Variants in LPIN1 observed in about 807,000 individuals in gnomAD.
LPIN1 encodes phosphatidate phosphatase LPIN1.
Under a neutral mutation model 107.5 loss-of-function variants are expected in LPIN1, and 71 were observed. The observed-to-expected ratio is 0.66, with a 90% CI of 0.55 to 0.80. The LOEUF is 0.80. Ranked by LOEUF, LPIN1 falls within the 30% of genes least tolerant of loss-of-function variation. LPIN1 has a pLI of 0.00. For synonymous variants in LPIN1, 445 were observed against 452.6 expected (o/e 0.98, Z 0.21); for missense variants, 1,043 against 1,160.6 (o/e 0.90, Z 1.47).
intron 1 of LPIN1, among the ~76,000 whole-genome samples, chr2:11,737,587 A>G (rs1401912051): frequency 6.6e-6 from 1 of 152,254 alleles, no homozygotes; most frequent in Non-Finnish European, 1.5e-5. Context: ...ATATGAACAG[A>G]CAGTTCTCAA....
chr2:11,741,212 CG>C (rs1666331420), intron 1 of LPIN1: 1 of 589,686 alleles, frequency 1.7e-6, no homozygotes, highest in Admixed American at 3.1e-5. Flanking sequence ...ACCAGGAGCC[CG>C]GGAGTCCTGC....
intron 1 of LPIN1, among the ~76,000 whole-genome samples, chr2:11,705,404 G>A (rs1365465339): frequency 1.3e-5 from 2 of 152,232 alleles, no homozygotes; most frequent in Admixed American, 6.5e-5. Flanking sequence ...GAAGGATGCT[G>A]TCATCAGCTG....
intron 1 of LPIN1, among the ~76,000 whole-genome samples, chr2:11,729,173 G>A (rs1558761977): frequency 6.6e-6 from 1 of 152,184 alleles, no homozygotes; most frequent in Non-Finnish European, 1.5e-5. Context: ...AGGAGGGAGA[G>A]CATTAGGACA....
At chr2:11,715,593 G>C (rs890384652) in intron 2 of LPIN1, among the ~76,000 whole-genome samples, 2 of 152,222 alleles carry the variant, frequency 1.3e-5, no homozygotes, top group African/African-American at 4.8e-5. Flanking sequence ...GAAAGTGCTT[G>C]CTGTCCACCA....
chr2:11,753,552 A>G (rs889183735), intron 1 of LPIN1, among the ~76,000 whole-genome samples: 1 of 152,230 alleles, frequency 6.6e-6, no homozygotes, highest in African/African-American at 2.4e-5. Flanking sequence ...GCAGCTGCCT[A>G]TAAGTGTGTG....
At chr2:11,801,352 C>T (rs961512563) in intron 14 of LPIN1, among the ~76,000 whole-genome samples, 17 of 152,152 alleles carry the variant, frequency 1.1e-4, no homozygotes, top group African/African-American at 3.6e-4. Context: ...ATGGAACCAA[C>T]CTAAGTGTCC....
chr2:11,792,331 A>G (rs1473253663), intron 13 of LPIN1: 5 of 262,774 alleles, frequency 1.9e-5, no homozygotes, highest in South Asian at 4.8e-5. Context: ...GAAATTAAAT[A>G]TCTTCCTTCT....
In LPIN1 at chr2:11,781,324, G is replaced by A. The variant is rs547583470; in HGVS notation, c.958-877G>A. 2.7e-4 allele frequency among the ~76,000 whole-genome samples: 41 copies of A among 152,324 alleles called. 1 individual carries two copies. The Middle Eastern group carries it at 0.01, about 38-fold the overall frequency. ...CCAACTCTCTTTGCAAGTTTATGTCGTTAGTTGCTGGAGAAACAGCATGGA... is the reference window on the plus strand; with the variant it reads ...CCAACTCTCTTTGCAAGTTTATGTCATTAGTTGCTGGAGAAACAGCATGGA... On this transcript the variant is annotated intron_variant, in intron 7 of 20. Coordinates refer to ENST00000674199, the MANE Select transcript of LPIN1 (RefSeq NM_001349206.2).
chr2:11,725,017 T>C (rs1664463467), intron 1 of LPIN1, among the ~76,000 whole-genome samples: 1 of 152,144 alleles, frequency 6.6e-6, no homozygotes, highest in Non-Finnish European at 1.5e-5. Context: ...AACCCAGCAC[T>C]TAGGGAGGCC....
At chr2:11,768,009 G>A (rs1037398619) in intron 3 of LPIN1, 151 bp downstream of exon 3, 2 of 700,304 alleles carry the variant, frequency 2.9e-6, no homozygotes, top group Middle Eastern at 2.6e-4. Flanking sequence ...TCTGTGTGGG[G>A]GATTTGAGCC....
At chr2:11,752,644 G>A (rs1668029101) in intron 1 of LPIN1, among the ~76,000 whole-genome samples, 1 of 151,246 alleles carries the variant, frequency 6.6e-6, no homozygotes, top group Admixed American at 6.6e-5. Context: ...TTTTAGCCGG[G>A]ATGGTCTCGA....
intron 18 of LPIN1, chr2:11,817,133 A>G (rs1318712156): frequency 6.6e-6 from 1 of 152,154 alleles, no homozygotes; most frequent in African/African-American, 2.4e-5. Flanking sequence ...TCCGTGGTGT[A>G]TATGTGCCAC....
chr2:11,787,020 T>C, intron 10 of LPIN1, 54 bp from the exon 11 acceptor site: 3 of 1,276,630 alleles, frequency 2.3e-6, no homozygotes, highest in Non-Finnish European at 3.4e-6. Context: ...AGGCCTAATT[T>C]TGAACTGAAT....
chr2:11,741,087 C>T (rs1666316110), intron 1 of LPIN1: 2 of 299,772 alleles, frequency 6.7e-6, no homozygotes, highest in Admixed American at 5.1e-5. Flanking sequence ...ACAGGCTTGA[C>T]AAGGAGCAGG....
chr2:11,705,407 A>G (rs752828833), intron 1 of LPIN1, among the ~76,000 whole-genome samples: 2 of 152,252 alleles, frequency 1.3e-5, no homozygotes, highest in Non-Finnish European at 2.9e-5. Flanking sequence ...GGATGCTGTC[A>G]TCAGCTGAGT....
At chr2:11,756,759 A>G (rs1668756761) in intron 1 of LPIN1, among the ~76,000 whole-genome samples, 2 of 152,258 alleles carry the variant, frequency 1.3e-5, no homozygotes. Context: ...TGTCATAGGT[A>G]GAATTCTAAG....
intron 3 of LPIN1, among the ~76,000 whole-genome samples, chr2:11,768,198 G>A (rs1259297153): frequency 2.0e-5 from 3 of 152,188 alleles, no homozygotes; most frequent in Non-Finnish European, 2.9e-5. Flanking sequence ...CTTTTATTTA[G>A]TGAGTGGCTG....
chr2:11,684,021 G>A (rs930920022), intron 1 of LPIN1, among the ~76,000 whole-genome samples: 3 of 152,238 alleles, frequency 2.0e-5, no homozygotes, highest in Non-Finnish European at 4.4e-5. Context: ...CTGCATGAAA[G>A]GTGGATTAGA....
At chr2:11,688,238 C>T (rs763993191) in intron 1 of LPIN1, among the ~76,000 whole-genome samples, 1 of 152,188 alleles carries the variant, frequency 6.6e-6, no homozygotes, top group African/African-American at 2.4e-5. Flanking sequence ...CCTTCTCAAG[C>T]TTCCTTTCTT....
Sources: allele counts gnomAD v4.1 joint callset (sites outside exome capture counted in the v4.1 genomes callset), GRCh38; gene constraint gnomAD v4.1.1; transcripts MANE v1.5; gene names NCBI Gene and HGNC (gene_info 2026-07-23, HGNC 2026-07-21).